PRIM1: variants seen among roughly 807,000 people sequenced by gnomAD.
The protein encoded by PRIM1 is DNA primase subunit 1, also known as DNA primase small subunit.
PRIM1 carries 38 observed loss-of-function variants against 60.2 expected under a neutral mutation model. The ratio of observed to expected loss-of-function variants is 0.63; its 90% confidence interval spans 0.49 to 0.83. The LOEUF is 0.83. PRIM1 is among the 40% of genes least tolerant of loss of function. PRIM1 has a pLI of 0.00. For synonymous variants in PRIM1, 158 were observed against 160.2 expected (o/e 0.99, Z 0.10); for missense variants, 388 against 506.2 (o/e 0.77, Z 2.24).
At chr12:56,732,830 T>C (rs1414589678) in intron 12 of PRIM1, among the ~76,000 whole-genome samples, 1 of 151,940 alleles carries the variant, frequency 6.6e-6, no homozygotes, top group Non-Finnish European at 1.5e-5. Flanking sequence ...TACCTTATGG[T>C]ATAGTATATT....
intron 2 of PRIM1, among the ~76,000 whole-genome samples, chr12:56,747,388 TA>T (rs56145075): frequency 0.62 from 93,916 of 152,024 alleles, 29,458 homozygotes; most frequent in South Asian, 0.74. Context: ...TAGAAGTATT[TA>T]AAAATTTTTC....
At chr12:56,745,803 G>C (rs373573209) in intron 5 of PRIM1, among the ~76,000 whole-genome samples, 24 of 152,126 alleles carry the variant, frequency 1.6e-4, no homozygotes, top group African/African-American at 5.8e-4. Context: ...GCTGGGCACA[G>C]TGGCAGGAGC....
chr12:56,751,966 GTTTTTTTTTTTT>G lies in PRIM1; in HGVS notation c.103+218_103+229del, dbSNP rs66861394. Among the ~76,000 whole-genome samples, 6 of 79,362 alleles carry G rather than the reference GTTTTTTTTTTTT, an allele frequency of 7.6e-5. 1 individual carries two copies. Among genetic ancestry groups the G allele is most frequent in the Non-Finnish European group, 1.4e-4 (6 of 42,488 alleles). 52.1% of individuals were successfully genotyped at this position (79,362 alleles called of 152,430 possible). ...ACGCAGAGGTAGGAGCGGCGGCTCTGTTTTTTTTTTTTTTTTTTTTTTTTTTACAGCGTGGCC... is the reference window on the plus strand; with the variant it reads ...ACGCAGAGGTAGGAGCGGCGGCTCTGTTTTTTTTTTTTTTACAGCGTGGCC... On this transcript the variant is annotated intron_variant, in intron 1 of 12. Coordinates refer to ENST00000338193, the MANE Select transcript of PRIM1 (RefSeq NM_000946.3).
chr12:56,742,155 A>G (rs1953877035), intron 7 of PRIM1: 3 of 321,388 alleles, frequency 9.3e-6, no homozygotes, highest in Non-Finnish European at 1.8e-5. Flanking sequence ...CTGGAGGCTG[A>G]GGCAGGAAAA....
chr12:56,746,254 G>A (rs1592335031), intron 4 of PRIM1, 73 bp from the exon 5 acceptor site: 2 of 1,467,710 alleles, frequency 1.4e-6, no homozygotes, highest in Non-Finnish European at 1.9e-6. Flanking sequence ...TAAATTACTT[G>A]TTGTTTCCTG....
At chr12:56,735,793 G>T (rs1019216346) in intron 11 of PRIM1, among the ~76,000 whole-genome samples, 1 of 151,140 alleles carries the variant, frequency 6.6e-6, no homozygotes, top group African/African-American at 2.4e-5. Context: ...TAGGATTATA[G>T]GCGCCCGCCA....
chr12:56,733,578 G>A (rs1467377229), intron 12 of PRIM1, among the ~76,000 whole-genome samples: 1 of 148,198 alleles, frequency 6.7e-6, no homozygotes, highest in Non-Finnish European at 1.5e-5. Context: ...TTTTTTTTTT[G>A]TATTAAGTTA....
chr12:56,749,086 G>A (rs2137869154), intron 2 of PRIM1, among the ~76,000 whole-genome samples: 1 of 152,262 alleles, frequency 6.6e-6, no homozygotes, highest in South Asian at 2.1e-4. Flanking sequence ...TTGACCCACT[G>A]CAACCTCCAC....
At chr12:56,747,677 G>A (rs186946498) in intron 2 of PRIM1, among the ~76,000 whole-genome samples, 2 of 152,276 alleles carry the variant, frequency 1.3e-5, no homozygotes, top group East Asian at 1.9e-4. Context: ...CCCGGGAGGT[G>A]GAAGTTGCTG....
chr12:56,752,079 G>T, intron 1 of PRIM1, 117 bp downstream of exon 1: 3 of 559,712 alleles, frequency 5.4e-6, no homozygotes, highest in Non-Finnish European at 5.9e-6. Context: ...GAGAGCAAAT[G>T]AAGGCGCGCG....
intron 11 of PRIM1, among the ~76,000 whole-genome samples, chr12:56,738,194 G>A (rs554485687): frequency 6.6e-6 from 1 of 152,210 alleles, no homozygotes; most frequent in Non-Finnish European, 1.5e-5. Flanking sequence ...CTTATTGATA[G>A]TTTAATCTTA....
intron 10 of PRIM1, 121 bp from the exon 11 acceptor site, chr12:56,738,646 G>A: frequency 2.1e-6 from 2 of 954,144 alleles, no homozygotes; most frequent in Non-Finnish European, 3.1e-6. Flanking sequence ...CCGCCTCCCA[G>A]GTTCAAGTGA....
chr12:56,744,866 C>T (rs941194195), intron 5 of PRIM1, among the ~76,000 whole-genome samples: 3 of 151,612 alleles, frequency 2.0e-5, no homozygotes, highest in African/African-American at 4.8e-5. Context: ...CTGAGGCGGG[C>T]GGATCACCTG....
chr12:56,738,221 A>G (rs1953847123), intron 11 of PRIM1, among the ~76,000 whole-genome samples: 1 of 152,236 alleles, frequency 6.6e-6, no homozygotes, highest in Non-Finnish European at 1.5e-5. Flanking sequence ...AGATCCTAGC[A>G]TTAAAAGTTA....
intron 2 of PRIM1, among the ~76,000 whole-genome samples, chr12:56,748,589 T>C (rs1953924647): frequency 6.8e-6 from 1 of 148,128 alleles, no homozygotes; most frequent in Admixed American, 6.8e-5. Flanking sequence ...ATCATGCCAC[T>C]GCACTCCAGC....
At chr12:56,740,402 G>A (rs1953863439) in intron 9 of PRIM1, among the ~76,000 whole-genome samples, 1 of 151,994 alleles carries the variant, frequency 6.6e-6, no homozygotes, top group Non-Finnish European at 1.5e-5. Flanking sequence ...CCTTTAAAAA[G>A]CATTTAGGAA....
Position 56,739,379 on chromosome 12 carries a change from G to C in PRIM1, c.983-16C>G. On this transcript the variant is annotated splice_polypyrimidine_tract_variant and intron_variant, in intron 9 of 12. Coordinates refer to ENST00000338193, the MANE Select transcript of PRIM1 (RefSeq NM_000946.3). ...GATATGCGACCTGTAAGACACAAAA[G>C]TTATAAACTGATGATTGTGGACTAT... 6.7e-7 allele frequency: 1 copy of C among 1,501,376 alleles called. No homozygotes were observed. The highest frequency in any genetic ancestry group is 1.3e-5 in the South Asian group (1 of 79,186). The allele number at this position is 1,501,376 out of a possible 1,614,324, so 93.0% of individuals were successfully genotyped here.
intron 5 of PRIM1, among the ~76,000 whole-genome samples, chr12:56,745,516 T>C (rs756818732): frequency 8.5e-5 from 13 of 152,136 alleles, no homozygotes; most frequent in Non-Finnish European, 1.5e-4. Context: ...ATTTTATCTA[T>C]TATTTTACAT....
chr12:56,741,995 G>T, intron 7 of PRIM1, 158 bp from the exon 8 acceptor site: 1 of 728,052 alleles, frequency 1.4e-6, no homozygotes, highest in Non-Finnish European at 2.3e-6. Flanking sequence ...GCTCATGCCT[G>T]TACTCCCAGC....
Sources: allele counts gnomAD v4.1 joint callset (sites outside exome capture counted in the v4.1 genomes callset), GRCh38; gene constraint gnomAD v4.1.1; transcripts MANE v1.5; gene names NCBI Gene and HGNC (gene_info 2026-07-23, HGNC 2026-07-21).